The following GUCY1A2 variants were observed in gnomAD, a reference collection of about 807,000 sequenced individuals.
The protein encoded by GUCY1A2 is guanylate cyclase 1 soluble subunit alpha 2.
GUCY1A2 carries 27 observed loss-of-function variants against 63.5 expected under a neutral mutation model. That is an observed-to-expected ratio of 0.43 (90% CI 0.31 to 0.59). GUCY1A2 has a LOEUF of 0.59. GUCY1A2 is among the 20% of genes least tolerant of loss of function. The pLI is 0.11. For missense variants in GUCY1A2, 768 were observed against 913.3 expected, an observed-to-expected ratio of 0.84 and a Z score of 2.05; for synonymous variants, 364 against 343.5, an observed-to-expected ratio of 1.06 and a Z score of -0.66.
At chr11:106,827,182 T>C (rs1362534171) in intron 4 of GUCY1A2, 2 of 1,507,432 alleles carry the variant, frequency 1.3e-6, no homozygotes, top group African/African-American at 1.4e-5. Flanking sequence ...TTCATGCCAA[T>C]CTGGTCCCAA....
chr11:106,777,024 C>T (rs777773231), intron 5 of GUCY1A2, among the ~76,000 whole-genome samples: 12 of 152,116 alleles, frequency 7.9e-5, no homozygotes, highest in Non-Finnish European at 1.3e-4. Context: ...TGTAATTTTT[C>T]GTCAGGTCTG....
chr11:106,878,232 G>T (rs538936992), intron 4 of GUCY1A2, among the ~76,000 whole-genome samples: 186 of 152,150 alleles, frequency 1.2e-3, no homozygotes, highest in African/African-American at 4.2e-3. Context: ...ATTCCTCAAA[G>T]ACCTAAAAAC....
intron 5 of GUCY1A2, among the ~76,000 whole-genome samples, chr11:106,789,118 AAT>A (rs766649449): frequency 6.6e-6 from 1 of 152,142 alleles, no homozygotes; most frequent in Non-Finnish European, 1.5e-5. Flanking sequence ...TTCTTGAATC[AAT>A]GTTATATACC....
Position 106,795,611 on chromosome 11 carries a change from A to G in GUCY1A2, c.1692+14382T>C, listed in dbSNP as rs188440905. On this transcript the variant is annotated intron_variant, in intron 5 of 7. Transcript: ENST00000526355. Reference sequence around the variant, plus strand: ...AGCAGTCTCACAGCGATTTTGTTTCAACTGATTTATCTTTTTCCAACTTGA... The same window carrying G: ...AGCAGTCTCACAGCGATTTTGTTTCGACTGATTTATCTTTTTCCAACTTGA... Among the ~76,000 whole-genome samples, 426 of 151,022 alleles carry G rather than the reference A, an allele frequency of 2.8e-3. 3 individuals carry two copies. Among genetic ancestry groups the G allele is most frequent in the African/African-American group, 9.7e-3 (393 of 40,546 alleles).
chr11:106,753,155 T>A (rs148408093), intron 6 of GUCY1A2, among the ~76,000 whole-genome samples: 2 of 152,256 alleles, frequency 1.3e-5, no homozygotes, highest in Non-Finnish European at 2.9e-5. Flanking sequence ...GTTGGCTGCA[T>A]AAATGCCTTC....
intron 4 of GUCY1A2, among the ~76,000 whole-genome samples, chr11:106,860,212 G>A (rs1271761457): frequency 6.6e-6 from 1 of 151,454 alleles, no homozygotes; most frequent in Admixed American, 6.6e-5. Context: ...ACAGTGCTCT[G>A]CTGTTTTCCA....
chr11:106,966,893 A>G (rs566392513), intron 3 of GUCY1A2, among the ~76,000 whole-genome samples: 1 of 152,158 alleles, frequency 6.6e-6, no homozygotes, highest in Non-Finnish European at 1.5e-5. Context: ...TTTTTATTAA[A>G]ATGTAAGATT....
chr11:106,974,303 TC>T (rs1861235011), intron 3 of GUCY1A2, among the ~76,000 whole-genome samples: 1 of 152,114 alleles, frequency 6.6e-6, no homozygotes, highest in African/African-American at 2.4e-5. Flanking sequence ...TAACTAGTTC[TC>T]CAAGATAACA....
chr11:106,825,128 T>G (rs1461201359), intron 4 of GUCY1A2, among the ~76,000 whole-genome samples: 1 of 152,182 alleles, frequency 6.6e-6, no homozygotes, highest in Non-Finnish European at 1.5e-5. Context: ...GTTTGAAAAT[T>G]AGAGATCACG....
In GUCY1A2 at chr11:106,978,707, G is replaced by A. The variant is rs1162297146; in HGVS notation, c.399C>T (p.Ile133=). ...YRDAEKNFHN[I]SNRCSYADHS... The stretch of plus-strand genomic sequence containing the variant: ...GGTCTGCATAGGAGCATCTGTTAGA[G>A]ATATTGTGGAAATTCTTTTCTGCAT... Residue 133 remains isoleucine (I), a synonymous_variant, in exon 3 of 8, where the codon ATC becomes ATT. Coordinates refer to ENST00000526355, the MANE Select transcript of GUCY1A2 (RefSeq NM_000855.3). The A allele has an allele frequency of 2.5e-6, 4 of 1,592,202 alleles. No homozygotes were observed. Among genetic ancestry groups the A allele is most frequent in the Admixed American group, 3.5e-5 (2 of 57,942 alleles).
chr11:106,968,174 A>T (rs1012113167), intron 3 of GUCY1A2, among the ~76,000 whole-genome samples: 17 of 152,196 alleles, frequency 1.1e-4, no homozygotes, highest in African/African-American at 4.1e-4. Flanking sequence ...TATCTAGAGA[A>T]TGTATTTTTA....
At chr11:106,985,022 G>T (rs1861383578) in intron 2 of GUCY1A2, among the ~76,000 whole-genome samples, 1 of 151,938 alleles carries the variant, frequency 6.6e-6, no homozygotes, top group Non-Finnish European at 1.5e-5. Flanking sequence ...CATTGTACTA[G>T]GTACCGAGAT....
At chr11:106,944,953 C>T (rs1010529471) in intron 3 of GUCY1A2, among the ~76,000 whole-genome samples, 1 of 151,842 alleles carries the variant, frequency 6.6e-6, no homozygotes, top group Non-Finnish European at 1.5e-5. Flanking sequence ...GAGGAACAAC[C>T]TCTAAAAACA....
At chr11:106,986,380 T>C (rs941185082) in intron 1 of GUCY1A2, among the ~76,000 whole-genome samples, 25 of 152,304 alleles carry the variant, frequency 1.6e-4, no homozygotes, top group Middle Eastern at 3.4e-3. Flanking sequence ...CTTCAATTCT[T>C]TTGTAACAGC....
At chr11:106,902,443 G>A (rs1378981149) in intron 4 of GUCY1A2, among the ~76,000 whole-genome samples, 3 of 152,190 alleles carry the variant, frequency 2.0e-5, no homozygotes, top group African/African-American at 4.8e-5. Flanking sequence ...ACCATCTTTT[G>A]AAGTTTTGAC....
chr11:106,801,298 C>T (rs1207060480), intron 5 of GUCY1A2, among the ~76,000 whole-genome samples: 1 of 152,026 alleles, frequency 6.6e-6, no homozygotes, highest in Non-Finnish European at 1.5e-5. Flanking sequence ...GCTCATAGTT[C>T]TTTTCAGCCT....
At chr11:106,912,163 T>C (rs1860304127) in intron 4 of GUCY1A2, among the ~76,000 whole-genome samples, 1 of 152,030 alleles carries the variant, frequency 6.6e-6, no homozygotes, top group Admixed American at 6.6e-5. Flanking sequence ...AACTCACTGG[T>C]TCTTACTAAT....
chr11:106,904,708 T>C (rs1860180153), intron 4 of GUCY1A2, among the ~76,000 whole-genome samples: 1 of 151,958 alleles, frequency 6.6e-6, no homozygotes. Context: ...AAAATACATA[T>C]TTTATTTAGG....
At chr11:106,894,276 G>A (rs1306001660) in intron 4 of GUCY1A2, among the ~76,000 whole-genome samples, 1 of 152,076 alleles carries the variant, frequency 6.6e-6, no homozygotes, top group Non-Finnish European at 1.5e-5. Flanking sequence ...TGTATGTGCC[G>A]AACAACAGAG....
Sources: allele counts gnomAD v4.1 joint callset (sites outside exome capture counted in the v4.1 genomes callset), GRCh38; gene constraint gnomAD v4.1.1; transcripts MANE v1.5; gene names NCBI Gene and HGNC (gene_info 2026-07-23, HGNC 2026-07-21).